Variants in LDLRAD3 observed in about 807,000 individuals in gnomAD.
The protein encoded by LDLRAD3 is low density lipoprotein receptor class A domain containing 3, also known as low-density lipoprotein receptor class A domain-containing protein 3.
LDLRAD3 carries 20 observed loss-of-function variants against 29.4 expected under a neutral mutation model. The observed-to-expected ratio is 0.68, with a 90% CI of 0.48 to 0.99. The LOEUF is 0.99. Among genes scored for constraint, LDLRAD3 ranks in the 50% least tolerant of loss-of-function variants. The pLI is 0.00. For synonymous variants in LDLRAD3, 157 were observed against 192.7 expected (o/e 0.81, Z 1.53); for missense variants, 420 against 454.3 (o/e 0.92, Z 0.69).
intron 1 of LDLRAD3, among the ~76,000 whole-genome samples, chr11:36,011,694 G>C (rs1851957918): frequency 6.6e-6 from 1 of 152,202 alleles, no homozygotes; most frequent in African/African-American, 2.4e-5. Context: ...CAGTTGGAAA[G>C]AGATTTAGCG....
chr11:36,083,997 C>T (rs1565211137), intron 3 of LDLRAD3, among the ~76,000 whole-genome samples: 1 of 152,118 alleles, frequency 6.6e-6, no homozygotes, highest in Non-Finnish European at 1.5e-5. Flanking sequence ...CAGCTCACTC[C>T]AGCCTCAACC....
chr11:36,123,556 TG>T (rs1393097971), intron 4 of LDLRAD3, among the ~76,000 whole-genome samples: 2 of 152,234 alleles, frequency 1.3e-5, no homozygotes, highest in Non-Finnish European at 2.9e-5. Flanking sequence ...CCAAGATCAG[TG>T]GGGCAGATAA....
intron 4 of LDLRAD3, among the ~76,000 whole-genome samples, chr11:36,208,655 A>G (rs1366844852): frequency 2.0e-5 from 3 of 152,258 alleles, no homozygotes; most frequent in Admixed American, 6.5e-5. Flanking sequence ...AGAGTAGCTT[A>G]AATAACAAGT....
In LDLRAD3 at chr11:36,104,050, C is replaced by T. The variant is rs550334350; in HGVS notation, c.454+5589C>T. Among the ~76,000 whole-genome samples, 11 of 152,270 alleles carry T rather than the reference C, an allele frequency of 7.2e-5. No individual in the cohort carries two copies. The South Asian group carries it at 1.9e-3, about 26-fold the overall frequency. ...AACAAAGAAAATGCAGCAAAAGTGG[C>T]GGCTGTCAGTCCCGAGGTTAGATGA... is the stretch of plus-strand genomic sequence containing the variant. On this transcript the variant is annotated intron_variant, in intron 4 of 5. Coordinates refer to ENST00000315571, the MANE Select transcript of LDLRAD3 (RefSeq NM_174902.4).
chr11:36,016,311 C>T, intron 1 of LDLRAD3, among the ~76,000 whole-genome samples: 1 of 152,194 alleles, frequency 6.6e-6, no homozygotes, highest in African/African-American at 2.4e-5. Flanking sequence ...CCAAGTGATT[C>T]CTTGTTCAGT....
chr11:35,956,189 A>G (rs1271896511), intron 1 of LDLRAD3, among the ~76,000 whole-genome samples: 2 of 152,086 alleles, frequency 1.3e-5, no homozygotes, highest in Non-Finnish European at 2.9e-5. Flanking sequence ...ATGTTATTTA[A>G]ATTATTCGAT....
At chr11:35,991,994 A>G (rs1020648982) in intron 1 of LDLRAD3, among the ~76,000 whole-genome samples, 1 of 151,968 alleles carries the variant, frequency 6.6e-6, no homozygotes, top group African/African-American at 2.4e-5. Context: ...GCAGGAATTT[A>G]CATCTTGGAA....
At chr11:35,985,001 T>C (rs1028446641) in intron 1 of LDLRAD3, among the ~76,000 whole-genome samples, 9 of 149,258 alleles carry the variant, frequency 6.0e-5, no homozygotes, top group African/African-American at 2.2e-4. Context: ...CATAGCTCAC[T>C]GCAGCCTCGA....
At chr11:36,220,678 G>GA (rs1227047649) in intron 4 of LDLRAD3, among the ~76,000 whole-genome samples, 4 of 152,158 alleles carry the variant, frequency 2.6e-5, no homozygotes, top group African/African-American at 4.8e-5. Flanking sequence ...TGGCTTTCCG[G>GA]AAAAAAGTGA....
chr11:36,089,230 A>G (rs1472694271), intron 3 of LDLRAD3, among the ~76,000 whole-genome samples: 2 of 152,168 alleles, frequency 1.3e-5, no homozygotes, highest in African/African-American at 2.4e-5. Flanking sequence ...CTGTTTCTAC[A>G]TGCTTTACGT....
intron 2 of LDLRAD3, among the ~76,000 whole-genome samples, chr11:36,054,711 GTGGATGGATGGA>G (rs71044545): frequency 6.8e-6 from 1 of 146,222 alleles, no homozygotes; most frequent in Non-Finnish European, 1.5e-5. Flanking sequence ...GGATGGGTGG[GTGGATGGATGGA>G]TGGATGGATG....
chr11:36,067,684 T>C (rs1370505379), intron 2 of LDLRAD3, among the ~76,000 whole-genome samples: 1 of 152,210 alleles, frequency 6.6e-6, no homozygotes, highest in Non-Finnish European at 1.5e-5. Flanking sequence ...AATTAACTTT[T>C]TTTTGAGACA....
At chr11:36,128,136 G>A (rs7102723) in intron 4 of LDLRAD3, among the ~76,000 whole-genome samples, 9,825 of 86,666 alleles carry the variant, frequency 0.11, 1,240 homozygotes, top group East Asian at 0.2. Context: ...ATATATATAT[G>A]TATATGACAT....
At position 36,045,794 on chromosome 11, in the gene LDLRAD3, G is replaced by A. The variant is rs181656196; in HGVS notation, c.193+9545G>A. ...AGAAACAGGTGGTTTTTGGTTACAT[G>A]GTAAGTTCTTTTTAAATTTTATTTT... On this transcript the variant is annotated intron_variant, in intron 2 of 5. Transcript: ENST00000315571. 3.0e-3 allele frequency among the ~76,000 whole-genome samples: 460 copies of A among 150,910 alleles called. 2 individuals carry two copies. Among genetic ancestry groups the A allele is most frequent in the African/African-American group, 0.011 (439 of 41,098 alleles).
chr11:36,139,243 A>G (rs1156380381), intron 4 of LDLRAD3, among the ~76,000 whole-genome samples: 1 of 152,202 alleles, frequency 6.6e-6, no homozygotes, highest in East Asian at 1.9e-4. Flanking sequence ...CAATGTCTCT[A>G]AGACCTTGCC....
chr11:36,198,105 CTA>C (rs1232287665), intron 4 of LDLRAD3, among the ~76,000 whole-genome samples: 2 of 151,970 alleles, frequency 1.3e-5, no homozygotes, highest in Non-Finnish European at 2.9e-5. Context: ...CTAGCATGTG[CTA>C]TGATGAAAGA....
intron 2 of LDLRAD3, among the ~76,000 whole-genome samples, chr11:36,045,751 T>G (rs1019419065): frequency 6.6e-6 from 1 of 151,782 alleles, no homozygotes; most frequent in Admixed American, 6.6e-5. Context: ...TTCAAAAAAT[T>G]TATTTCAGTA....
chr11:36,056,625 C>T (rs1852625230), intron 2 of LDLRAD3, among the ~76,000 whole-genome samples: 1 of 152,192 alleles, frequency 6.6e-6, no homozygotes, highest in African/African-American at 2.4e-5. Context: ...AAGTGCAATA[C>T]TTTCCCATTG....
At chr11:36,109,652 A>C (rs1853580032) in intron 4 of LDLRAD3, among the ~76,000 whole-genome samples, 1 of 152,190 alleles carries the variant, frequency 6.6e-6, no homozygotes, top group Non-Finnish European at 1.5e-5. Flanking sequence ...CAAGTGACTA[A>C]GCAGGCAGAG....
Sources: allele counts gnomAD v4.1 joint callset (sites outside exome capture counted in the v4.1 genomes callset), GRCh38; gene constraint gnomAD v4.1.1; transcripts MANE v1.5; gene names NCBI Gene and HGNC (gene_info 2026-07-23, HGNC 2026-07-21).